TMPRSS9: variants seen among roughly 807,000 people sequenced by gnomAD.
The protein encoded by TMPRSS9 is transmembrane protease serine 9.
TMPRSS9 carries 113 observed loss-of-function variants against 111.4 expected under a neutral mutation model. The ratio of observed to expected loss-of-function variants is 1.01; its 90% CI spans 0.87 to 1.19. The LOEUF (loss-of-function observed/expected upper bound fraction) is 1.19, where lower values mean the gene tolerates loss of function less well. Ranked by LOEUF, TMPRSS9 falls within the 50% of genes most tolerant of loss-of-function variation. TMPRSS9 has a pLI of 0.00. For synonymous variants in TMPRSS9, 805 were observed against 659.1 expected, an observed-to-expected ratio of 1.22 and a Z score of -3.39; for missense variants, 1,803 against 1,513.1, an observed-to-expected ratio of 1.19 and a Z score of -3.18.
At chr19:2,402,051 A>G (rs1400197825) in intron 5 of TMPRSS9, 35 bp downstream of exon 6, 2 of 1,594,476 alleles carry the variant, frequency 1.3e-6, no homozygotes, top group Non-Finnish European at 8.6e-7. Context: ...CTCTGATTGC[A>G]GTTACTGACA....
rs776276203 is a variant in TMPRSS9, at chr19:2,425,913, T to G, written c.3121-14T>G. The stretch of plus-strand genomic sequence containing the variant: ...GTACCGGCCTCTGAACCCCCTTTCT[T>G]CTCTCCCCAACAGGGTGACGCTGGG... On this transcript the variant is annotated splice_polypyrimidine_tract_variant and intron_variant, in intron 17 of 17. Coordinates refer to ENST00000648592, the Ensembl canonical transcript of TMPRSS9. The G allele has an allele frequency of 6.2e-5, 98 of 1,576,034 alleles. No homozygotes were observed. Among genetic ancestry groups the G allele is most frequent in the Non-Finnish European group, 8.1e-5 (95 of 1,167,378 alleles).
chr19:2,417,092 A>G (rs988840788), intron 12 of TMPRSS9, among the ~76,000 whole-genome samples: 1 of 152,224 alleles, frequency 6.6e-6, no homozygotes, highest in Admixed American at 6.5e-5. Context: ...CTTTCCTGCA[A>G]TAGCAGCAGA....
rs1971104354 is a variant in TMPRSS9, at chr19:2,411,925, C to T, written c.1254+1531C>T. Among the ~76,000 whole-genome samples, 3 of 152,188 alleles carry T rather than the reference C, an allele frequency of 2.0e-5. No individual in the cohort carries two copies. The South Asian group carries it at 6.2e-4, about 32-fold the overall frequency. On this transcript the variant is annotated intron_variant, in intron 9 of 17. Coordinates refer to ENST00000648592, the Ensembl canonical transcript of TMPRSS9. ...GCCACCTGGTCTTGTTTGCAGTGTC[C>T]TGTTCTTGTTTCGTGGATACCATTT...
exon 18 of TMPRSS9, chr19:2,426,068 G>A: frequency 3.7e-6 from 6 of 1,608,716 alleles, no homozygotes; most frequent in Non-Finnish European, 3.4e-6. Flanking sequence ...AGGCTGGATA[G>A]GACAGCACAT....
rs1167339447 is a variant in TMPRSS9 at position 2,425,350 on chromosome 19, C to G, written c.2984-7C>G. On this transcript the variant is annotated splice_polypyrimidine_tract_variant and splice_region_variant and intron_variant, in intron 16 of 17. Coordinates refer to ENST00000648592, the Ensembl canonical transcript of TMPRSS9. ...CCACCCGCCCCGTCTCGCTCGCCCG[C>G]CCGCAGGCTCCATGGCGCGGCAGCT... 2 of 1,486,922 alleles carry G rather than the reference C, an allele frequency of 1.3e-6. No individual in the cohort carries two copies. The highest frequency in any genetic ancestry group is 1.8e-6 in the Non-Finnish European group (2 of 1,124,332). 92.1% of individuals were successfully genotyped at this position (1,486,922 alleles called of 1,614,324 possible).
chr19:2,411,297 C>G (rs1475051825), intron 9 of TMPRSS9, among the ~76,000 whole-genome samples: 1 of 27,264 alleles, frequency 3.7e-5, no homozygotes, highest in Non-Finnish European at 5.7e-5. Flanking sequence ...AAGACTCTGT[C>G]TCAAAAAAAA....
chr19:2,371,515 T>C (rs2385175), intron 1 of TMPRSS9, among the ~76,000 whole-genome samples: 31,953 of 151,796 alleles, frequency 0.21, 5,682 homozygotes, highest in African/African-American at 0.48. Flanking sequence ...AGCAAAACCC[T>C]GTCTCTACTA....
At chr19:2,423,487 G>A (rs1360744276) in intron 14 of TMPRSS9, among the ~76,000 whole-genome samples, 2 of 146,060 alleles carry the variant, frequency 1.4e-5, no homozygotes, top group Admixed American at 1.4e-4. Flanking sequence ...GGGGGACCCA[G>A]GGAAGCCAGC....
At chr19:2,390,393 G>A (rs1029260905) in intron 1 of TMPRSS9, among the ~76,000 whole-genome samples, 27 of 149,708 alleles carry the variant, frequency 1.8e-4, no homozygotes, top group African/African-American at 5.1e-4. Flanking sequence ...ACAGGCGCCC[G>A]CCACCACCCC....
upstream of TMPRSS9, among the ~76,000 whole-genome samples, chr19:2,386,100 C>A (rs1487231988): frequency 6.6e-6 from 1 of 152,026 alleles, no homozygotes; most frequent in Non-Finnish European, 1.5e-5. Flanking sequence ...ACGTGCCCCA[C>A]CATGCCCAGC....
intron 2 of TMPRSS9, among the ~76,000 whole-genome samples, chr19:2,398,183 C>T (rs935506245): frequency 2.2e-4 from 34 of 151,154 alleles, no homozygotes; most frequent in African/African-American, 7.3e-4. Context: ...GTAATCCCAG[C>T]TACTTGGGAG....
chr19:2,421,381 C>T (rs572305892), intron 13 of TMPRSS9, among the ~76,000 whole-genome samples: 1 of 151,402 alleles, frequency 6.6e-6, no homozygotes, highest in Non-Finnish European at 1.5e-5. Flanking sequence ...CTCCGCCTCC[C>T]GGGTTCACGC....
intron 1 of TMPRSS9, among the ~76,000 whole-genome samples, chr19:2,390,231 G>GTTTTTTTTTTTTTT (rs1198106187): frequency 9.0e-6 from 1 of 110,570 alleles, no homozygotes; most frequent in African/African-American, 3.6e-5. Context: ...ACCCAAAGTA[G>GTTTTTTTTTTTTTT]TTTTTTTTTT....
intron 4 of TMPRSS9, 44 bp downstream of exon 5, chr19:2,399,237 G>A (rs1199590533): frequency 6.5e-7 from 1 of 1,535,800 alleles, no homozygotes; most frequent in East Asian, 2.3e-5. Context: ...GAGGAGGCTG[G>A]AGTGGGGCAG....
At chr19:2,386,956 T>C (rs59515247), upstream of TMPRSS9, among the ~76,000 whole-genome samples, 15,370 of 151,972 alleles carry the variant, frequency 0.1, 1,491 homozygotes, top group African/African-American at 0.26. Context: ...CACTGCACAG[T>C]GCACCTGTGG....
At chr19:2,368,960 T>G (rs1216819575) in intron 1 of TMPRSS9, among the ~76,000 whole-genome samples, 2 of 150,326 alleles carry the variant, frequency 1.3e-5, no homozygotes, top group African/African-American at 4.9e-5. Flanking sequence ...AATTCTTTTT[T>G]TTTTTTTTGA....
Position 2,421,291 on chromosome 19 carries a change from A to AT in TMPRSS9, c.2155-560dup, listed in dbSNP as rs1178643953. On this transcript the variant is annotated intron_variant, in intron 13 of 17. Transcript: ENST00000648592. Reference sequence around the variant, plus strand: ...TTCATGGCTGTTATTGTTGTTATTTATTTATTTTTTTTTTTGAGAGGGAGT... The same window carrying AT: ...TTCATGGCTGTTATTGTTGTTATTTATTTTATTTTTTTTTTTGAGAGGGAGT... Among the ~76,000 whole-genome samples, 6 of 149,132 alleles carry AT rather than the reference A, an allele frequency of 4.0e-5. No individual in the cohort carries two copies. In the East Asian group the frequency reaches 8.5e-4, roughly 21 times the overall value.
chr19:2,391,677 T>C (rs2145288181), intron 1 of TMPRSS9, among the ~76,000 whole-genome samples: 1 of 151,182 alleles, frequency 6.6e-6, no homozygotes, highest in South Asian at 2.1e-4. Flanking sequence ...TTGTAACAAA[T>C]ACATTTTGGG....
chr19:2,385,622 CAGG>C (rs763735931), upstream of TMPRSS9, among the ~76,000 whole-genome samples: 41 of 152,074 alleles, frequency 2.7e-4, no homozygotes, highest in Non-Finnish European at 5.4e-4. Flanking sequence ...GAGGCCGAGG[CAGG>C]AGGATCACTT....
Sources: gnomAD v4.1 joint callset for allele counts (sites outside exome capture counted in the v4.1 genomes callset) on GRCh38, gnomAD v4.1.1 for gene constraint, MANE v1.5 for transcripts, NCBI Gene and HGNC (gene_info 2026-07-23, HGNC 2026-07-21) for gene names.